Variants in HMCN1 observed in about 807,000 individuals in gnomAD.
HMCN1 encodes the protein hemicentin-1.
Under a neutral mutation model 625.9 loss-of-function variants are expected in HMCN1, and 321 were observed. The ratio of observed to expected loss-of-function variants is 0.51; its 90% CI spans 0.47 to 0.56. The LOEUF is 0.56. HMCN1 is among the 20% of genes least tolerant of loss of function. The pLI, the probability that HMCN1 is intolerant of heterozygous loss-of-function variation, is 0.00. For synonymous variants in HMCN1, 2,425 were observed against 2,417.6 expected, an observed-to-expected ratio of 1.00 and a Z score of -0.09; for missense variants, 6,588 against 6,887.3, an observed-to-expected ratio of 0.96 and a Z score of 1.54.
intron 68 of HMCN1, 35 bp from the exon 69 acceptor site, chr1:186,103,437 T>G: frequency 6.5e-7 from 1 of 1,548,756 alleles, no homozygotes; most frequent in Non-Finnish European, 8.9e-7. Flanking sequence ...TATGAAACTG[T>G]GGGTTTATTA....
chr1:185,863,317 C>A (rs1468334578), intron 2 of HMCN1, among the ~76,000 whole-genome samples: 1 of 152,068 alleles, frequency 6.6e-6, no homozygotes, highest in African/African-American at 2.4e-5. Flanking sequence ...GTTGGATGCC[C>A]AAATCTCAGC....
intron 70 of HMCN1, 100 bp downstream of exon 70, chr1:186,107,065 G>T: frequency 1.2e-6 from 1 of 821,372 alleles, no homozygotes; most frequent in South Asian, 1.4e-5. Context: ...TTATAAGTTA[G>T]GGAATATATA....
chr1:185,988,966 A>G (rs16824824), intron 20 of HMCN1, among the ~76,000 whole-genome samples: 6,988 of 151,800 alleles, frequency 0.046, 544 homozygotes, highest in African/African-American at 0.16. Flanking sequence ...CTGGAATGAA[A>G]ATGACATGAT....
At chr1:186,138,035 A>G in intron 89 of HMCN1, 63 bp downstream of exon 89, 1 of 1,558,772 alleles carries the variant, frequency 6.4e-7, no homozygotes, top group East Asian at 2.3e-5. Flanking sequence ...CTATGAAAGA[A>G]TTACATTTGC....
Position 185,984,151 on chromosome 1 carries a change from CTT to C in HMCN1, c.2791-10_2791-9del. 2 of 1,586,010 alleles carry C rather than the reference CTT, an allele frequency of 1.3e-6. No homozygotes were observed. Among genetic ancestry groups the C allele is most frequent in the Non-Finnish European group, 1.7e-6 (2 of 1,158,198 alleles). ...TCCTTTCTTTTTAAATAAAAATTAC[CTT>C]TTTTTTTCCTTTAAGTTGCTCCAAA... On this transcript the variant is annotated splice_polypyrimidine_tract_variant and intron_variant, in intron 18 of 106. Coordinates refer to ENST00000271588, the MANE Select transcript of HMCN1 (RefSeq NM_031935.3).
At chr1:186,185,445 A>T (rs974556890) in intron 105 of HMCN1, among the ~76,000 whole-genome samples, 4 of 152,112 alleles carry the variant, frequency 2.6e-5, no homozygotes, top group Non-Finnish European at 5.9e-5. Context: ...ATAATTAGAA[A>T]TTTTTTCACA....
chr1:186,186,179 G>A (rs540979758), intron 105 of HMCN1, among the ~76,000 whole-genome samples: 17 of 152,200 alleles, frequency 1.1e-4, no homozygotes, highest in South Asian at 1.0e-3. Flanking sequence ...CAGATTTACC[G>A]TCAGAAAAAG....
At chr1:185,965,645 C>A (rs746587379) in intron 13 of HMCN1, among the ~76,000 whole-genome samples, 157 bp from the exon 14 acceptor site, 2 of 152,018 alleles carry the variant, frequency 1.3e-5, no homozygotes, top group Non-Finnish European at 2.9e-5. Context: ...ATCACATACA[C>A]CTATGTGCAT....
At chr1:186,042,347 A>G (rs960427144) in intron 40 of HMCN1, among the ~76,000 whole-genome samples, 5 of 152,158 alleles carry the variant, frequency 3.3e-5, no homozygotes, top group African/African-American at 9.7e-5. Context: ...TGATTCATCA[A>G]TCAATCTAAG....
intron 104 of HMCN1, 68 bp downstream of exon 104, chr1:186,178,834 C>T (rs747958896): frequency 9.0e-5 from 96 of 1,063,060 alleles, no homozygotes; most frequent in Non-Finnish European, 1.4e-4. Context: ...GTGTACAGCA[C>T]CTGTGATTGT....
Position 186,088,750 on chromosome 1 carries a change from T to G in HMCN1, c.9722T>G (p.Ile3241Ser). The change falls in exon 63 of 107, where the codon ATT (isoleucine) becomes AGT (serine). Residue 3241 changes from isoleucine (I) to serine (S), a missense_variant. Ile to Ser is a moderately radical substitution (Grantham distance 142). This residue lies in a region of HMCN1 where 4,628 missense variants were observed against 4,853.1 expected (regional missense o/e 0.95). Transcript: ENST00000271588. ...GKAQKYYFLS[I>S]QVPPSVAGAE... ...GCCCAGAAATATTACTTTCTTTCAA[T>G]TCAAGGTATGTATTGTCCACTATGA... The G allele has an allele frequency of 6.2e-7, 1 of 1,606,912 alleles. No individual in the cohort carries two copies.
chr1:185,993,541 G>A (rs1395047609), intron 23 of HMCN1: 3 of 454,058 alleles, frequency 6.6e-6, no homozygotes. Flanking sequence ...TTAAATTTTT[G>A]GATCTCAATT....
intron 4 of HMCN1, among the ~76,000 whole-genome samples, chr1:185,894,285 A>T (rs1280768186): frequency 6.6e-6 from 1 of 150,518 alleles, no homozygotes; most frequent in Non-Finnish European, 1.5e-5. Flanking sequence ...TTCAACATTA[A>T]GTTTGTGAGA....
intron 100 of HMCN1, among the ~76,000 whole-genome samples, chr1:186,169,604 A>T (rs982652505): frequency 3.9e-5 from 6 of 152,152 alleles, no homozygotes; most frequent in Non-Finnish European, 8.8e-5. Flanking sequence ...TATCTAATAA[A>T]TGGTGAGAAA....
rs1659699888 is a variant in HMCN1, at chr1:186,089,200, A to T, written c.9727+445A>T. 3.3e-5 allele frequency among the ~76,000 whole-genome samples: 5 copies of T among 152,020 alleles called. No individual in the cohort carries two copies. The South Asian group carries it at 1.0e-3, about 32-fold the overall frequency. ...ATGATGAATCTTATACTATTTTAAG[A>T]TGAGCAATTCATCAAGTATTTAATT... On this transcript the variant is annotated intron_variant, in intron 63 of 106. Coordinates refer to ENST00000271588, the MANE Select transcript of HMCN1 (RefSeq NM_031935.3).
intron 86 of HMCN1, 117 bp downstream of exon 86, chr1:186,132,526 C>A: frequency 2.4e-6 from 2 of 818,248 alleles, no homozygotes; most frequent in Non-Finnish European, 4.1e-6. Flanking sequence ...CAGAGTGTGT[C>A]TAATTTAGTT....
intron 36 of HMCN1, among the ~76,000 whole-genome samples, chr1:186,025,061 G>A (rs142648696): frequency 4.6e-5 from 7 of 152,246 alleles, no homozygotes; most frequent in African/African-American, 1.7e-4. Context: ...GTCCCATCTG[G>A]GGGTAACGGG....
intron 24 of HMCN1, among the ~76,000 whole-genome samples, chr1:185,996,172 CTATA>C (rs1652772973): frequency 6.6e-6 from 1 of 152,054 alleles, no homozygotes; most frequent in African/African-American, 2.4e-5. Context: ...GTGGAAAACT[CTATA>C]TGAGCTTTTA....
intron 97 of HMCN1, among the ~76,000 whole-genome samples, chr1:186,160,578 A>G (rs989443938): frequency 6.6e-6 from 1 of 151,864 alleles, no homozygotes; most frequent in Non-Finnish European, 1.5e-5. Context: ...ATTTCCCTCT[A>G]CACACTGCTT....
Sources: allele counts gnomAD v4.1 joint callset (sites outside exome capture counted in the v4.1 genomes callset), GRCh38; gene constraint gnomAD v4.1.1; regional missense constraint gnomAD v4.1.1; transcripts MANE v1.5; gene names NCBI Gene and HGNC (gene_info 2026-07-23, HGNC 2026-07-21).